The following ARHGAP24 variants were observed in gnomAD, a reference collection of about 807,000 sequenced individuals.
ARHGAP24 encodes the protein rho GTPase-activating protein 24.
Under a neutral mutation model 76.4 loss-of-function variants are expected in ARHGAP24, and 50 were observed. The observed-to-expected ratio is 0.65, with a 90% CI of 0.52 to 0.83. ARHGAP24 has a LOEUF of 0.83. Among genes scored for constraint, ARHGAP24 ranks in the 40% least tolerant of loss-of-function variants. The pLI is 0.00. For missense variants in ARHGAP24, 930 were observed against 914.2 expected (o/e 1.02, Z -0.22); for synonymous variants, 345 against 323.3 (o/e 1.07, Z -0.72).
intron 2 of ARHGAP24, among the ~76,000 whole-genome samples, chr4:85,615,785 G>C (rs1313595956): frequency 6.6e-6 from 1 of 152,158 alleles, no homozygotes; most frequent in Non-Finnish European, 1.5e-5. Context: ...GGAAATCTTA[G>C]TTTAAGAAAG....
intron 2 of ARHGAP24, among the ~76,000 whole-genome samples, chr4:85,606,883 A>G (rs1055103927): frequency 6.6e-6 from 1 of 152,254 alleles, no homozygotes; most frequent in African/African-American, 2.4e-5. Flanking sequence ...AGGGAAGAAA[A>G]TAATTGCTGC....
intron 2 of ARHGAP24, among the ~76,000 whole-genome samples, chr4:85,645,757 C>A (rs1286848694): frequency 1.3e-5 from 2 of 152,020 alleles, no homozygotes; most frequent in Non-Finnish European, 2.9e-5. Context: ...ATTTAGAGAA[C>A]TTCCAGAAGA....
intron 3 of ARHGAP24, among the ~76,000 whole-genome samples, chr4:85,792,901 G>A (rs1422290686): frequency 1.3e-5 from 2 of 152,042 alleles, no homozygotes; most frequent in African/African-American, 4.8e-5. Flanking sequence ...ATTTAATTAG[G>A]CTCAAAAATG....
At chr4:85,498,387 G>A (rs1232960681) in intron 1 of ARHGAP24, among the ~76,000 whole-genome samples, 1 of 152,202 alleles carries the variant, frequency 6.6e-6, no homozygotes, top group Non-Finnish European at 1.5e-5. Flanking sequence ...AGACTGAATA[G>A]TTGTGTTGCT....
intron 2 of ARHGAP24, among the ~76,000 whole-genome samples, chr4:85,635,106 C>T (rs1440356587): frequency 6.6e-6 from 1 of 151,826 alleles, no homozygotes; most frequent in East Asian, 1.9e-4. Flanking sequence ...TTTTTCATAG[C>T]GAGTATAAAA....
At chr4:85,698,940 G>A (rs1723969426) in intron 2 of ARHGAP24, among the ~76,000 whole-genome samples, 1 of 152,074 alleles carries the variant, frequency 6.6e-6, no homozygotes, top group South Asian at 2.1e-4. Context: ...TGAAATGTGT[G>A]TGGTACCACC....
intron 4 of ARHGAP24, among the ~76,000 whole-genome samples, chr4:85,927,347 G>A (rs1211191134): frequency 1.3e-5 from 2 of 152,036 alleles, no homozygotes; most frequent in African/African-American, 4.8e-5. Flanking sequence ...GGATGAGGGG[G>A]TGATGGAGAG....
chr4:85,498,330 T>G (rs1284226666), intron 1 of ARHGAP24, among the ~76,000 whole-genome samples: 1 of 152,198 alleles, frequency 6.6e-6, no homozygotes, highest in Non-Finnish European at 1.5e-5. Flanking sequence ...CATGCTAGCT[T>G]TGTGTGTGCT....
At chr4:85,969,497 T>G (rs1165840619) in intron 5 of ARHGAP24, among the ~76,000 whole-genome samples, 2 of 152,128 alleles carry the variant, frequency 1.3e-5, no homozygotes, top group Non-Finnish European at 2.9e-5. Flanking sequence ...TTTTATATTC[T>G]TTTCTTTCTG....
chr4:85,761,417 T>C (rs1440674183), intron 3 of ARHGAP24, among the ~76,000 whole-genome samples: 3 of 152,188 alleles, frequency 2.0e-5, no homozygotes, highest in Admixed American at 6.5e-5. Flanking sequence ...AAAGAGTCCA[T>C]TGGAATGCAT....
chr4:85,972,377 A>T, intron 6 of ARHGAP24: 1 of 621,642 alleles, frequency 1.6e-6, no homozygotes, highest in Non-Finnish European at 2.7e-6. Flanking sequence ...ATATGGCTGA[A>T]TAAATTAAAT....
intron 1 of ARHGAP24, among the ~76,000 whole-genome samples, chr4:85,562,869 A>G (rs1726652776): frequency 6.6e-6 from 1 of 152,216 alleles, no homozygotes; most frequent in Non-Finnish European, 1.5e-5. Context: ...TCAATGTTGA[A>G]CTATCATTGT....
chr4:85,756,723 T>G (rs1726509588), intron 3 of ARHGAP24, among the ~76,000 whole-genome samples: 1 of 152,148 alleles, frequency 6.6e-6, no homozygotes, highest in Non-Finnish European at 1.5e-5. Flanking sequence ...ACCATTTGTG[T>G]ATTGTTTGCC....
intron 2 of ARHGAP24, among the ~76,000 whole-genome samples, chr4:85,627,525 G>A (rs1018439635): frequency 1.3e-5 from 2 of 152,120 alleles, no homozygotes; most frequent in South Asian, 4.1e-4. Flanking sequence ...TGGTCAGGGA[G>A]CCACTTGAGG....
intron 1 of ARHGAP24, among the ~76,000 whole-genome samples, chr4:85,545,067 C>A (rs1725864785): frequency 6.6e-6 from 1 of 151,720 alleles, no homozygotes; most frequent in African/African-American, 2.4e-5. Flanking sequence ...ACTTTCTCAA[C>A]TAAAATGATC....
intron 3 of ARHGAP24, among the ~76,000 whole-genome samples, chr4:85,817,003 T>G (rs1233714377): frequency 6.6e-6 from 1 of 152,210 alleles, no homozygotes; most frequent in Non-Finnish European, 1.5e-5. Context: ...TTGATTTACA[T>G]TTCTTCGATT....
chr4:85,997,174 A>T (rs1411681709), intron 9 of ARHGAP24, among the ~76,000 whole-genome samples: 6 of 152,050 alleles, frequency 3.9e-5, no homozygotes, highest in Non-Finnish European at 8.8e-5. Flanking sequence ...GTTCTGGCTA[A>T]ATTTTGATCA....
rs550134622 is a variant in ARHGAP24, at chr4:85,555,040, C to G, written c.-20-15482C>G. 2.0e-5 allele frequency among the ~76,000 whole-genome samples: 3 copies of G among 152,246 alleles called. No individual in the cohort carries two copies. In the East Asian group the frequency reaches 5.8e-4, roughly 29 times the overall value. ...TCCTGTATCATATTTTATTGTAATC[C>G]TTAGAATTCTTGGATTGGGTTTTGA... On this transcript the variant is annotated intron_variant, in intron 1 of 9. Transcript: ENST00000395184.
At chr4:85,731,095 C>T (rs2062098) in intron 3 of ARHGAP24, among the ~76,000 whole-genome samples, 60,283 of 150,696 alleles carry the variant, frequency 0.4, 13,441 homozygotes, top group East Asian at 0.91. Context: ...GTATGCAAAA[C>T]GGTGGTACAA....
Sources: gnomAD v4.1 joint callset for allele counts (sites outside exome capture counted in the v4.1 genomes callset) on GRCh38, gnomAD v4.1.1 for gene constraint, MANE v1.5 for transcripts, NCBI Gene and HGNC (gene_info 2026-07-23, HGNC 2026-07-21) for gene names.